Variants in PLCG2 observed in about 807,000 individuals in gnomAD.
PLCG2 encodes the protein phospholipase C gamma 2.
A neutral mutation model predicts 175.6 loss-of-function variants in PLCG2; 69 were observed. The observed-to-expected ratio is 0.39, with a 90% confidence interval of 0.32 to 0.48. The LOEUF (loss-of-function observed/expected upper bound fraction) is 0.48, where lower values mean the gene tolerates loss of function less well. Among genes scored for constraint, PLCG2 ranks in the 20% least tolerant of loss-of-function variants. PLCG2 has a pLI of 0.91. For synonymous variants in PLCG2, 827 were observed against 624.0 expected (o/e 1.33, Z -4.85); for missense variants, 1,798 against 1,650.9 (o/e 1.09, Z -1.54).
chr16:81,770,834 G>A (rs551265207), intron 2 of PLCG2, among the ~76,000 whole-genome samples: 9 of 152,176 alleles, frequency 5.9e-5, no homozygotes, highest in Admixed American at 3.3e-4. Flanking sequence ...CGAGGCGGGC[G>A]GATCGTGAGG....
At chr16:81,809,537 A>C (rs1311275847) in intron 2 of PLCG2, among the ~76,000 whole-genome samples, 1 of 152,136 alleles carries the variant, frequency 6.6e-6, no homozygotes, top group African/African-American at 2.4e-5. Context: ...GCCCCCAAAT[A>C]AACTCCTTGT....
In PLCG2 at chr16:81,936,109, C is replaced by T. The variant is rs986962179; in HGVS notation, c.2843-60C>T. ...CTGAGCATCCAGCCATTGCAGCAAA[C>T]ATTAAGAAAATGCACAGATGAGACA... is the stretch of plus-strand genomic sequence containing the variant. On this transcript the variant is annotated intron_variant, in intron 26 of 32. Transcript: ENST00000564138. 2.5e-6 allele frequency: 4 copies of T among 1,593,982 alleles called. No individual in the cohort carries two copies. The African/African-American group carries it at 5.4e-5, about 21-fold the overall frequency.
chr16:81,814,857 G>A (rs1904473530), intron 2 of PLCG2, among the ~76,000 whole-genome samples: 1 of 152,202 alleles, frequency 6.6e-6, no homozygotes, highest in Admixed American at 6.5e-5. Context: ...GGATTATGAT[G>A]ATCCTCTCCC....
chr16:81,944,060 A>C (rs1911058537), intron 30 of PLCG2, among the ~76,000 whole-genome samples: 1 of 152,244 alleles, frequency 6.6e-6, no homozygotes, highest in African/African-American at 2.4e-5. Flanking sequence ...CAGCCATTAA[A>C]AAATATAAAT....
intron 1 of PLCG2, among the ~76,000 whole-genome samples, chr16:81,742,449 C>T (rs1476349018): frequency 6.6e-6 from 1 of 152,080 alleles, no homozygotes; most frequent in African/African-American, 2.4e-5. Context: ...ACTCCTGGGG[C>T]CCAGCCTATC....
chr16:81,914,290 C>G (rs1190420767), intron 19 of PLCG2, among the ~76,000 whole-genome samples: 3 of 152,218 alleles, frequency 2.0e-5, no homozygotes, highest in Admixed American at 1.3e-4. Flanking sequence ...AGGATGCCAC[C>G]TGTATGTGCA....
At chr16:81,768,284 T>C (rs1368661707) in intron 2 of PLCG2, among the ~76,000 whole-genome samples, 2 of 152,134 alleles carry the variant, frequency 1.3e-5, no homozygotes, top group Non-Finnish European at 2.9e-5. Flanking sequence ...ACTGTATGAA[T>C]GTTTGTTTAT....
intron 2 of PLCG2, among the ~76,000 whole-genome samples, chr16:81,764,000 C>T (rs918358467): frequency 3.3e-5 from 5 of 149,628 alleles, no homozygotes; most frequent in African/African-American, 1.2e-4. Context: ...AAAATAGTTA[C>T]GAAGTTCTGA....
In PLCG2 at chr16:81,907,754, A is replaced by T. The variant is rs764836810; in HGVS notation, c.1537A>T (p.Met513Leu). ...LSFSDDIEQTMEEEVPQDIPP... is the reference protein window; with the variant it reads ...LSFSDDIEQTLEEEVPQDIPP... ...CTTCAGTGATGACATTGAACAGACT[A>T]TGGAGGAGGAAGTGCCCCAGGTAGG... The change falls in exon 16 of 33, where the codon ATG becomes TTG. Residue 513 changes from methionine to leucine, a missense_variant. Met to Leu is a conservative substitution (Grantham distance 15). Coordinates refer to ENST00000564138, the MANE Select transcript of PLCG2 (RefSeq NM_002661.5). 7 of 1,613,562 alleles carry T rather than the reference A, an allele frequency of 4.3e-6. No homozygotes were observed. The highest frequency in any genetic ancestry group is 1.1e-5 in the South Asian group (1 of 91,064).
At chr16:81,746,453 G>A (rs1313141043) in intron 1 of PLCG2, among the ~76,000 whole-genome samples, 1 of 152,252 alleles carries the variant, frequency 6.6e-6, no homozygotes, top group Non-Finnish European at 1.5e-5. Context: ...AGCACCCACA[G>A]TGGTGCCTTC....
intron 19 of PLCG2, among the ~76,000 whole-genome samples, chr16:81,913,283 C>G (rs1020808049): frequency 2.0e-5 from 3 of 152,216 alleles, no homozygotes; most frequent in African/African-American, 7.2e-5. Flanking sequence ...CCAGGGTTTC[C>G]CTGCATGTTC....
intron 15 of PLCG2, among the ~76,000 whole-genome samples, chr16:81,905,781 C>G (rs1662960938): frequency 6.6e-6 from 1 of 152,154 alleles, no homozygotes; most frequent in African/African-American, 2.4e-5. Flanking sequence ...ACCTCAACCT[C>G]CCTGAGTCTC....
At chr16:81,860,143 CTATTATTAT>C (rs763477650) in intron 5 of PLCG2, among the ~76,000 whole-genome samples, 7 of 126,452 alleles carry the variant, frequency 5.5e-5, no homozygotes, top group Admixed American at 1.6e-4. Context: ...GGCTTATTTA[CTATTATTAT>C]TATTATTATT....
At chr16:81,767,201 G>C (rs1464668489) in intron 2 of PLCG2, among the ~76,000 whole-genome samples, 1 of 133,234 alleles carries the variant, frequency 7.5e-6, no homozygotes, top group Non-Finnish European at 1.5e-5. Context: ...CTGGAGTGCA[G>C]TGGTGCAATC....
intron 2 of PLCG2, among the ~76,000 whole-genome samples, chr16:81,806,358 T>A (rs373114543): frequency 9.2e-5 from 14 of 152,112 alleles, no homozygotes; most frequent in Non-Finnish European, 1.6e-4. Context: ...TAGCTTTAAT[T>A]TCCCACAGAG....
intron 2 of PLCG2, among the ~76,000 whole-genome samples, chr16:81,793,351 G>C (rs1911323686): frequency 6.6e-6 from 1 of 152,186 alleles, no homozygotes. Flanking sequence ...GGTCTGCTCT[G>C]GGGCCTTTCT....
chr16:81,742,507 C>T (rs932281223), intron 1 of PLCG2, among the ~76,000 whole-genome samples: 3 of 152,198 alleles, frequency 2.0e-5, no homozygotes, highest in Non-Finnish European at 2.9e-5. Flanking sequence ...GTTTAGATGA[C>T]TTGGCAGAGT....
intron 17 of PLCG2, among the ~76,000 whole-genome samples, chr16:81,909,407 A>G (rs921643468): frequency 1.3e-5 from 2 of 152,170 alleles, no homozygotes; most frequent in Admixed American, 1.3e-4. Context: ...AAAGAGGGAA[A>G]TTATAATTCT....
chr16:81,913,247 C>T (rs1276751249), intron 19 of PLCG2, among the ~76,000 whole-genome samples: 2 of 152,208 alleles, frequency 1.3e-5, no homozygotes, highest in Non-Finnish European at 2.9e-5. Context: ...CTCCGTGTAG[C>T]CTACTGTCCC....
Sources: gnomAD v4.1 joint callset for allele counts (sites outside exome capture counted in the v4.1 genomes callset) on GRCh38, gnomAD v4.1.1 for gene constraint, MANE v1.5 for transcripts, NCBI Gene and HGNC (gene_info 2026-07-23, HGNC 2026-07-21) for gene names.